The following THSD7B variants were observed in gnomAD, a reference collection of about 807,000 sequenced individuals.
THSD7B encodes the protein thrombospondin type 1 domain containing 7B.
A neutral mutation model predicts 213.6 loss-of-function variants in THSD7B; 138 were observed. That is an observed-to-expected ratio of 0.65 (90% confidence interval 0.56 to 0.74). The LOEUF is 0.74. THSD7B is among the 30% of genes least tolerant of loss of function. The pLI is 0.00. For synonymous variants in THSD7B, 742 were observed against 687.0 expected (o/e 1.08, Z -1.25); for missense variants, 1,931 against 1,991.5 (o/e 0.97, Z 0.58).
At chr2:137,099,349 G>A (rs562575173) in intron 4 of THSD7B, among the ~76,000 whole-genome samples, 424 of 152,234 alleles carry the variant, frequency 2.8e-3, no homozygotes, top group Middle Eastern at 6.8e-3. Flanking sequence ...AAGGCAAAAA[G>A]CATTCTAACA....
chr2:137,114,963 G>T (rs1326090067), intron 4 of THSD7B, among the ~76,000 whole-genome samples, 161 bp from the exon 5 acceptor site: 1 of 152,094 alleles, frequency 6.6e-6, no homozygotes, highest in Admixed American at 6.6e-5. Context: ...GGAAATAAAA[G>T]GGATTTAGTA....
intron 5 of THSD7B, among the ~76,000 whole-genome samples, chr2:137,152,826 T>C (rs1679844221): frequency 6.6e-6 from 1 of 152,222 alleles, no homozygotes; most frequent in Non-Finnish European, 1.5e-5. Flanking sequence ...ATTTCTGCCC[T>C]TGAAATCTCT....
At chr2:137,402,921 A>AG (rs1249007663) in intron 12 of THSD7B, among the ~76,000 whole-genome samples, 1 of 152,170 alleles carries the variant, frequency 6.6e-6, no homozygotes, top group Admixed American at 6.5e-5. Flanking sequence ...GGAAAAAAAA[A>AG]TTAACTTGGC....
At chr2:137,514,828 T>C (rs1481620016) in intron 15 of THSD7B, among the ~76,000 whole-genome samples, 1 of 152,154 alleles carries the variant, frequency 6.6e-6, no homozygotes, top group Non-Finnish European at 1.5e-5. Context: ...GTTTGGTGAC[T>C]CTAAACATAA....
chr2:137,366,780 T>C (rs901302629), intron 12 of THSD7B, among the ~76,000 whole-genome samples: 1 of 152,120 alleles, frequency 6.6e-6, no homozygotes, highest in African/African-American at 2.4e-5. Flanking sequence ...AATATAGACA[T>C]TTTAGTAGAT....
At chr2:137,539,255 G>A (rs1680563305) in intron 15 of THSD7B, among the ~76,000 whole-genome samples, 1 of 151,602 alleles carries the variant, frequency 6.6e-6, no homozygotes, top group African/African-American at 2.4e-5. Flanking sequence ...GCTAAAGTGA[G>A]TTTGTCACTC....
At chr2:136,913,675 G>A (rs574604899) in intron 2 of THSD7B, among the ~76,000 whole-genome samples, 3 of 152,380 alleles carry the variant, frequency 2.0e-5, no homozygotes, top group Admixed American at 6.5e-5. Context: ...GGGCTTCAGA[G>A]GGTGGAAGCC....
At chr2:136,984,809 C>G (rs1056076701) in intron 2 of THSD7B, among the ~76,000 whole-genome samples, 1 of 151,982 alleles carries the variant, frequency 6.6e-6, no homozygotes, top group East Asian at 1.9e-4. Context: ...ATAGTTGTGA[C>G]CAAAATGCTG....
chr2:136,985,898 G>C (rs1685664815), intron 2 of THSD7B, among the ~76,000 whole-genome samples: 3 of 152,250 alleles, frequency 2.0e-5, no homozygotes, highest in Non-Finnish European at 4.4e-5. Flanking sequence ...CCTTGCATCA[G>C]CGTGCCCTGG....
chr2:137,032,813 T>A (rs1364064613), intron 2 of THSD7B, among the ~76,000 whole-genome samples: 1 of 152,222 alleles, frequency 6.6e-6, no homozygotes, highest in African/African-American at 2.4e-5. Flanking sequence ...ATGTTTAGTA[T>A]CCTTTAATTT....
intron 3 of THSD7B, among the ~76,000 whole-genome samples, chr2:137,077,320 T>C (rs917460010): frequency 2.0e-5 from 3 of 152,196 alleles, no homozygotes; most frequent in Admixed American, 1.3e-4. Context: ...GCATGTTTTA[T>C]AATCCTTTGG....
chr2:137,385,518 C>G (rs938990182), intron 12 of THSD7B, among the ~76,000 whole-genome samples: 6 of 152,212 alleles, frequency 3.9e-5, no homozygotes, highest in African/African-American at 1.4e-4. Flanking sequence ...AACTTCTGCC[C>G]AGTGGTCTTG....
At chr2:137,159,575 C>T (rs1679974773) in intron 5 of THSD7B, among the ~76,000 whole-genome samples, 1 of 152,142 alleles carries the variant, frequency 6.6e-6, no homozygotes, top group South Asian at 2.1e-4. Context: ...TGTGGGCCCA[C>T]TCTGGGTGCA....
intron 1 of THSD7B, among the ~76,000 whole-genome samples, chr2:136,877,961 T>C (rs1683551733): frequency 6.6e-6 from 1 of 152,120 alleles, no homozygotes; most frequent in African/African-American, 2.4e-5. Flanking sequence ...AGGGTACATG[T>C]GCACAATGTG....
intron 1 of THSD7B, among the ~76,000 whole-genome samples, chr2:136,870,432 T>C (rs968751256): frequency 6.6e-5 from 10 of 152,220 alleles, no homozygotes; most frequent in African/African-American, 2.2e-4. Flanking sequence ...GAACTGGACA[T>C]ATAACACTGA....
In THSD7B at chr2:137,570,377, C is replaced by T. The variant is rs190309448; in HGVS notation, c.3273-2029C>T. ...AGGCTGGAGTGCAGTGGCGTGATCT[C>T]GGCTCACTGCAAACTCAGCCTCCCG... On this transcript the variant is annotated intron_variant, in intron 16 of 27. Coordinates refer to ENST00000409968, the MANE Select transcript of THSD7B (RefSeq NM_001316349.2). 4.0e-3 allele frequency among the ~76,000 whole-genome samples: 603 copies of T among 152,004 alleles called. 5 individuals carry two copies. Among genetic ancestry groups the T allele is most frequent in the African/African-American group, 0.014 (574 of 41,496 alleles).
chr2:137,565,985 G>T (rs1326185564), intron 16 of THSD7B, among the ~76,000 whole-genome samples: 1 of 152,130 alleles, frequency 6.6e-6, no homozygotes, highest in Non-Finnish European at 1.5e-5. Flanking sequence ...GCACCATGCT[G>T]TATGTACGTA....
At position 137,656,887 on chromosome 2, in the gene THSD7B, T is replaced by C. The variant is rs757609884; in HGVS notation, c.4197T>C (p.Ser1399=). The C allele has an allele frequency of 1.2e-6, 2 of 1,614,040 alleles. No individual in the cohort carries two copies. Among genetic ancestry groups the C allele is most frequent in the South Asian group, 1.1e-5 (1 of 91,086 alleles). ...GRSFETVGRQ[S]RSRTFIIQSF... is the part of the protein sequence containing the mutation. ...GCTTTGAGACTGTGGGCCGCCAGTC[T>C]AGATCAAGGACTTTTATAATTCAGT... The change falls in exon 23 of 28, where the codon TCT becomes TCC. Residue 1399 remains serine (S), a synonymous_variant. Coordinates refer to ENST00000409968, the MANE Select transcript of THSD7B (RefSeq NM_001316349.2).
intron 4 of THSD7B, among the ~76,000 whole-genome samples, chr2:137,102,828 A>C (rs1390431740): frequency 6.6e-6 from 1 of 152,200 alleles, no homozygotes; most frequent in Non-Finnish European, 1.5e-5. Flanking sequence ...CATGAAGACA[A>C]GATTAGAGAA....
Sources: allele counts gnomAD v4.1 joint callset (sites outside exome capture counted in the v4.1 genomes callset), GRCh38; gene constraint gnomAD v4.1.1; transcripts MANE v1.5; gene names NCBI Gene and HGNC (gene_info 2026-07-23, HGNC 2026-07-21).